Variants in RAPGEF2 observed in about 807,000 individuals in gnomAD.
RAPGEF2 encodes the protein Rap guanine nucleotide exchange factor 2.
A neutral mutation model predicts 186.7 loss-of-function variants in RAPGEF2; 54 were observed. The observed-to-expected ratio is 0.29, with a 90% CI of 0.23 to 0.36. The LOEUF is 0.36. Among genes scored for constraint, RAPGEF2 ranks in the 10% least tolerant of loss-of-function variants. The probability of loss-of-function intolerance (pLI) is 1.00; values close to 1 mark genes in which losing one functional copy is unlikely to be tolerated. For missense variants in RAPGEF2, 1,532 were observed against 2,045.0 expected, an observed-to-expected ratio of 0.75 and a Z score of 4.84; for synonymous variants, 712 against 705.9, an observed-to-expected ratio of 1.01 and a Z score of -0.14.
chr4:159,221,622 G>A (rs537906998), intron 4 of RAPGEF2, among the ~76,000 whole-genome samples: 2 of 152,248 alleles, frequency 1.3e-5, no homozygotes, highest in African/African-American at 2.4e-5. Context: ...GGGAACCCAC[G>A]GTCTCTGTTA....
At chr4:159,343,467 A>G (rs1004216254) in intron 22 of RAPGEF2, 63 bp downstream of exon 22, 2 of 1,572,580 alleles carry the variant, frequency 1.3e-6, no homozygotes, top group African/African-American at 2.7e-5. Flanking sequence ...GAGCTTCCCA[A>G]TAAATGATTT....
intron 7 of RAPGEF2, among the ~76,000 whole-genome samples, chr4:159,303,220 G>C (rs1762879758): frequency 6.6e-6 from 1 of 152,096 alleles, no homozygotes; most frequent in Non-Finnish European, 1.5e-5. Context: ...AATCCAAACT[G>C]TCTCCCTTGT....
At chr4:159,331,860 G>T (rs774607126) in intron 15 of RAPGEF2, 27 bp downstream of exon 15, 139 of 1,600,328 alleles carry the variant, frequency 8.7e-5, no homozygotes, top group Non-Finnish European at 1.1e-4. Flanking sequence ...CTCATTTAAG[G>T]GTGAATTTTG....
chr4:159,112,031 A>G lies in RAPGEF2; in HGVS notation c.69+7800A>G, dbSNP rs534995095. On this transcript the variant is annotated intron_variant, in intron 1 of 29. Coordinates refer to ENST00000691494, the MANE Select transcript of RAPGEF2 (RefSeq NM_001394067.2). ...GGGATCACTAATCTGTTCCATTTCT[A>G]TAACTTTGTCATTTCAAAAATGTTA... Among the ~76,000 whole-genome samples the G allele has an allele frequency of 2.6e-5, 4 of 152,334 alleles. No homozygotes were observed. In the East Asian group the frequency reaches 7.7e-4, roughly 29 times the overall value.
In RAPGEF2 at chr4:159,359,491, G is replaced by A. The variant is rs1469656043; in HGVS notation, c.*1352G>A. 1 of 152,148 alleles carries A rather than the reference G, an allele frequency of 6.6e-6. No individual in the cohort carries two copies. The highest frequency in any genetic ancestry group is 2.4e-5 in the African/African-American group (1 of 41,432). 9.4% of individuals were successfully genotyped at this position (152,148 alleles called of 1,614,324 possible). A position where few individuals can be genotyped will look rare whatever the true frequency, so the allele number is the denominator to read the frequency against. ...AATGACCCCTCCACTCTATTTTTGT[G>A]TTGTTTTGCACAGACTCCGGAAAAG... is the stretch of plus-strand genomic sequence containing the variant. On this transcript the variant is annotated 3_prime_UTR_variant, in exon 30 of 30. Transcript: ENST00000691494.
chr4:159,219,910 T>G (rs79204527), intron 4 of RAPGEF2, among the ~76,000 whole-genome samples: 2,562 of 152,300 alleles, frequency 0.017, 58 homozygotes, highest in African/African-American at 0.058. Context: ...TGATTGCTTC[T>G]TATATGCTTG....
intron 1 of RAPGEF2, among the ~76,000 whole-genome samples, chr4:159,181,735 C>T (rs1051686179): frequency 3.9e-5 from 6 of 152,044 alleles, no homozygotes; most frequent in South Asian, 2.1e-4. Flanking sequence ...CGGGGTTTCA[C>T]CATGTTGGCC....
intron 11 of RAPGEF2, chr4:159,327,568 A>G (rs1328156605): frequency 6.6e-6 from 1 of 152,186 alleles, no homozygotes; most frequent in Non-Finnish European, 1.5e-5. Flanking sequence ...GAAGCAGGAG[A>G]ATCATTTGAA....
chr4:159,332,156 G>A (rs1007760957), intron 16 of RAPGEF2, 122 bp downstream of exon 16: 1 of 686,530 alleles, frequency 1.5e-6, no homozygotes, highest in Non-Finnish European at 2.4e-6. Flanking sequence ...CTACTGACTT[G>A]ACCATAAAAA....
In RAPGEF2 at chr4:159,156,537, G is replaced by C. The variant is rs1744142820; in HGVS notation, c.70-30105G>C. Among the ~76,000 whole-genome samples the C allele has an allele frequency of 2.0e-5, 3 of 152,050 alleles. No homozygotes were observed. The South Asian group carries it at 6.2e-4, about 32-fold the overall frequency. The stretch of plus-strand genomic sequence containing the variant: ...CTAGGGTACATGTGCACAATGTGCA[G>C]GTTTGATACATAGGTATACATGTGC... On this transcript the variant is annotated intron_variant, in intron 1 of 29. Transcript: ENST00000691494.
intron 7 of RAPGEF2, among the ~76,000 whole-genome samples, chr4:159,301,416 G>A (rs1426965957): frequency 5.3e-5 from 8 of 152,164 alleles, no homozygotes; most frequent in Admixed American, 4.6e-4. Flanking sequence ...ATCCTAATTG[G>A]TGGGAAAAGA....
rs746783254 is a variant in RAPGEF2, at chr4:159,324,045, C to T, written c.1149+428C>T. On this transcript the variant is annotated intron_variant, in intron 11 of 29. Coordinates refer to ENST00000691494, the MANE Select transcript of RAPGEF2 (RefSeq NM_001394067.2). ...CCGAGCAGCTGGGACTACAGGCGTG[C>T]ACCACCATGCCCACCTAATTTTTGT... Among the ~76,000 whole-genome samples, 45 of 151,940 alleles carry T rather than the reference C, an allele frequency of 3.0e-4. 1 individual carries two copies. Among genetic ancestry groups the T allele is most frequent in the Non-Finnish European group, 7.4e-5 (5 of 67,978 alleles).
At chr4:159,130,553 A>T (rs1235430641) in intron 1 of RAPGEF2, among the ~76,000 whole-genome samples, 1 of 152,074 alleles carries the variant, frequency 6.6e-6, no homozygotes, top group African/African-American at 2.4e-5. Context: ...GGTCATTTTT[A>T]TTTTAGAGAT....
In RAPGEF2 at chr4:159,217,832, G is replaced by A. The variant is rs574813807; in HGVS notation, c.281+7249G>A. Among the ~76,000 whole-genome samples the A allele has an allele frequency of 1.2e-4, 19 of 152,164 alleles. No homozygotes were observed. The South Asian group carries it at 2.9e-3, about 23-fold the overall frequency. On this transcript the variant is annotated intron_variant, in intron 4 of 29. Coordinates refer to ENST00000691494, the MANE Select transcript of RAPGEF2 (RefSeq NM_001394067.2). ...TGTCCAGCATCTGTTGTTTTTTGAC[G>A]TTTTAATATAGCCATTCTGACTGGT...
intron 7 of RAPGEF2, among the ~76,000 whole-genome samples, chr4:159,273,195 C>G (rs189305669): frequency 6.6e-6 from 1 of 152,178 alleles, no homozygotes; most frequent in Non-Finnish European, 1.5e-5. Context: ...TGATTTTCCA[C>G]TGTGCTTGCT....
intron 3 of RAPGEF2, among the ~76,000 whole-genome samples, chr4:159,204,310 AC>A (rs1749745695): frequency 1.3e-5 from 2 of 152,234 alleles, no homozygotes. Context: ...CTCTTAAGGT[AC>A]AGTGGGATGT....
intron 17 of RAPGEF2, among the ~76,000 whole-genome samples, chr4:159,335,810 T>G (rs1251965316): frequency 1.7e-5 from 2 of 120,590 alleles, no homozygotes; most frequent in African/African-American, 6.6e-5. Context: ...CATTACAGCC[T>G]GGGTGACAGA....
intron 17 of RAPGEF2, among the ~76,000 whole-genome samples, chr4:159,334,277 G>T (rs1054539066): frequency 3.3e-5 from 5 of 151,960 alleles, no homozygotes; most frequent in Admixed American, 6.6e-5. Flanking sequence ...TGAGACAGAG[G>T]CTCGCTCTGT....
intron 10 of RAPGEF2, among the ~76,000 whole-genome samples, chr4:159,323,187 A>T (rs956895117): frequency 5.9e-5 from 9 of 152,144 alleles, no homozygotes; most frequent in Admixed American, 5.9e-4. Context: ...GGACAGAGAA[A>T]TTTTTTTCCT....
Sources: gnomAD v4.1 joint callset for allele counts (sites outside exome capture counted in the v4.1 genomes callset) on GRCh38, gnomAD v4.1.1 for gene constraint, MANE v1.5 for transcripts, NCBI Gene and HGNC (gene_info 2026-07-23, HGNC 2026-07-21) for gene names.